Variants in SP4 observed in about 807,000 individuals in gnomAD.
SP4 encodes Sp4 transcription factor.
In SP4, 19 loss-of-function variants were observed where a neutral mutation model predicts 72.8. The ratio of observed to expected loss-of-function variants is 0.26; its 90% confidence interval spans 0.18 to 0.38. The LOEUF is 0.38. Among genes scored for constraint, SP4 ranks in the 10% least tolerant of loss-of-function variants. The pLI is 1.00. For missense variants in SP4, 1,008 were observed against 926.3 expected (o/e 1.09, Z -1.14); for synonymous variants, 395 against 333.1 (o/e 1.19, Z -2.02).
intron 5 of SP4, among the ~76,000 whole-genome samples, chr7:21,491,175 A>G (rs78561609): frequency 0.034 from 5,221 of 152,344 alleles, 288 homozygotes; most frequent in African/African-American, 0.12. Flanking sequence ...GACTGAAATC[A>G]ATGGAAAGGC....
chr7:21,514,045 ACTTTT>A lies in SP4; in HGVS notation c.*2781_*2785del, dbSNP rs1782209483. The A allele has an allele frequency of 6.6e-6, 1 of 152,538 alleles. No individual in the cohort carries two copies. The highest frequency in any genetic ancestry group is 2.4e-5 in the African/African-American group (1 of 41,422). The allele number at this position is 152,538 out of a possible 1,614,324, so 9.4% of individuals were successfully genotyped here. A position where few individuals can be genotyped will look rare whatever the true frequency, so the allele number is the denominator to read the frequency against. ...TCATTCCCTTTACCACCGTTATAAA[ACTTTT>A]CTTTATTGTAATTATCAGTGCAAAG... On this transcript the variant is annotated 3_prime_UTR_variant, in exon 6 of 6. Transcript: ENST00000222584.
intron 3 of SP4, among the ~76,000 whole-genome samples, chr7:21,456,405 A>G (rs1185488289): frequency 3.9e-5 from 6 of 152,214 alleles, no homozygotes; most frequent in Non-Finnish European, 7.3e-5. Context: ...TGTCTCAGCA[A>G]TGTGCCAACA....
At chr7:21,501,239 A>T (rs1200871760) in intron 5 of SP4, among the ~76,000 whole-genome samples, 1 of 152,092 alleles carries the variant, frequency 6.6e-6, no homozygotes, top group East Asian at 1.9e-4. Context: ...GTGACCTTCT[A>T]GGTGCGTGAG....
Position 21,513,881 on chromosome 7 carries a change from A to G in SP4, c.*2612A>G, listed in dbSNP as rs1427191982. 1.3e-5 allele frequency: 2 copies of G among 152,306 alleles called. No individual in the cohort carries two copies. Among genetic ancestry groups the G allele is most frequent in the African/African-American group, 4.8e-5 (2 of 41,450 alleles). The allele number at this position is 152,306 out of a possible 1,614,324, so 9.4% of individuals were successfully genotyped here. On this transcript the variant is annotated 3_prime_UTR_variant, in exon 6 of 6. Coordinates refer to ENST00000222584, the MANE Select transcript of SP4 (RefSeq NM_003112.5). Reference sequence around the variant, plus strand: ...GAAATATTTTGACAGTCTGTTCTGCATACCATTCTGAGTCTACTTTTCTGT... The same window carrying G: ...GAAATATTTTGACAGTCTGTTCTGCGTACCATTCTGAGTCTACTTTTCTGT...
chr7:21,494,106 C>T (rs1314992139), intron 5 of SP4, among the ~76,000 whole-genome samples: 1 of 152,130 alleles, frequency 6.6e-6, no homozygotes, highest in Non-Finnish European at 1.5e-5. Context: ...TGTAAAAATT[C>T]TCAGCAAACT....
intron 3 of SP4, among the ~76,000 whole-genome samples, chr7:21,441,680 G>A (rs940480032): frequency 6.6e-6 from 1 of 152,162 alleles, no homozygotes; most frequent in African/African-American, 2.4e-5. Context: ...ATTTAGTTAT[G>A]AATTCACAGT....
chr7:21,429,437 A>T lies in SP4; in HGVS notation c.272A>T (p.Glu91Val). The T allele has an allele frequency of 6.2e-7, 1 of 1,614,192 alleles. No individual in the cohort carries two copies. Among genetic ancestry groups the T allele is most frequent in the Non-Finnish European group, 8.5e-7 (1 of 1,180,026 alleles). ...CTTCAAAATCAACCACAACAGCTAG[A>T]ACTGGTAACAACGCAACTTGCTGGA... Reference protein sequence around the residue: ...VQLQNQPQQLELVTTQLAGNA... With the variant: ...VQLQNQPQQLVLVTTQLAGNA... The change falls in exon 3 of 6, where the codon GAA becomes GTA. Residue 91 changes from glutamate (E) to valine (V), a missense_variant. By Grantham distance (121) the Glu-to-Val change is moderately radical. This residue lies in a region of SP4 where 893 missense variants were observed against 743.3 expected (regional missense o/e 1.20). Coordinates refer to ENST00000222584, the MANE Select transcript of SP4 (RefSeq NM_003112.5).
At position 21,430,819 on chromosome 7, in the gene SP4, C is replaced by G. The variant is rs1782821759; in HGVS notation, c.1654C>G (p.Pro552Ala). 1.9e-6 allele frequency: 3 copies of G among 1,612,300 alleles called. No homozygotes were observed. Among genetic ancestry groups the G allele is most frequent in the Admixed American group, 1.7e-5 (1 of 59,988 alleles). Residue 552 changes from proline to alanine, a missense_variant, in exon 3 of 6, where the codon CCC becomes GCC. By Grantham distance (27) the Pro-to-Ala change is conservative. Transcript: ENST00000222584. ...GAAGVQVQGV[P>A]VTITSVAGQQ... is the part of the protein sequence containing the mutation. ...TGCAGGTGTTCAAGTGCAGGGAGTT[C>G]CCGTTACAATCACTAGTGTTGCAGG...
intron 1 of SP4, 141 bp downstream of exon 1, chr7:21,428,399 G>A: frequency 2.9e-6 from 2 of 688,736 alleles, no homozygotes; most frequent in Admixed American, 4.2e-5. Context: ...GGGAATCGGG[G>A]AGGGAAGGAG....
chr7:21,450,923 A>T (rs996239942), intron 3 of SP4, among the ~76,000 whole-genome samples: 4 of 152,172 alleles, frequency 2.6e-5, no homozygotes, highest in African/African-American at 9.7e-5. Flanking sequence ...GAATGAAAGG[A>T]AGTAAAGTAC....
chr7:21,474,916 G>C (rs914479310), intron 3 of SP4, among the ~76,000 whole-genome samples: 4 of 152,174 alleles, frequency 2.6e-5, no homozygotes, highest in African/African-American at 9.7e-5. Flanking sequence ...CTACCAGAAG[G>C]ATTAACGGTG....
rs1001531965 is a variant in SP4 at position 21,459,052 on chromosome 7, A to T, written c.1679-18027A>T. Among the ~76,000 whole-genome samples the T allele has an allele frequency of 7.2e-5, 11 of 152,174 alleles. 1 individual carries two copies. The highest frequency in any genetic ancestry group is 2.7e-4 in the African/African-American group (11 of 41,432). On this transcript the variant is annotated intron_variant, in intron 3 of 5. Transcript: ENST00000222584. ...TCTTAGCACTGAGCATTAGTTCTGT[A>T]TTTCCAGAGCTAGACTGATTTAAAC...
At chr7:21,447,009 C>T (rs1464842719) in intron 3 of SP4, among the ~76,000 whole-genome samples, 2 of 152,150 alleles carry the variant, frequency 1.3e-5, no homozygotes, top group Admixed American at 1.3e-4. Context: ...TTGTGACTAG[C>T]CACATGTCCA....
intron 4 of SP4, among the ~76,000 whole-genome samples, chr7:21,480,457 T>C (rs1784652905): frequency 6.6e-6 from 1 of 152,202 alleles, no homozygotes; most frequent in African/African-American, 2.4e-5. Flanking sequence ...TTTAGTATTT[T>C]GGTCCGTATT....
At chr7:21,450,250 A>G (rs1051923348) in intron 3 of SP4, among the ~76,000 whole-genome samples, 1 of 152,212 alleles carries the variant, frequency 6.6e-6, no homozygotes, top group Non-Finnish European at 1.5e-5. Context: ...AAATAGTCAT[A>G]TTGTGAACAG....
At chr7:21,503,123 C>G (rs1781910712) in intron 5 of SP4, among the ~76,000 whole-genome samples, 1 of 152,124 alleles carries the variant, frequency 6.6e-6, no homozygotes, top group African/African-American at 2.4e-5. Context: ...CTTTCCAAGT[C>G]TTAATCAGCA....
chr7:21,509,328 CCTTTAA>C (rs1417564398), intron 5 of SP4, among the ~76,000 whole-genome samples: 13 of 151,806 alleles, frequency 8.6e-5, no homozygotes, highest in African/African-American at 2.9e-4. Context: ...TTTTTTCTCT[CCTTTAA>C]CTTTATGGAA....
intron 3 of SP4, among the ~76,000 whole-genome samples, chr7:21,464,391 C>T (rs6947703): frequency 1.7e-3 from 260 of 152,142 alleles, no homozygotes; most frequent in African/African-American, 5.8e-3. Context: ...CCACTGCGCC[C>T]GGCCAGTCAG....
chr7:21,428,142 C>T lies in SP4; in HGVS notation c.-110C>T, dbSNP rs1323538608. The T allele has an allele frequency of 1.6e-5, 12 of 729,112 alleles. No individual in the cohort carries two copies. Among genetic ancestry groups the T allele is most frequent in the Non-Finnish European group, 2.8e-5 (11 of 396,318 alleles). 45.2% of individuals were successfully genotyped at this position (729,112 alleles called of 1,614,324 possible). ...CAGAGCCTGTGCCAGCTACAGCCTC[C>T]TCCGAGCCACCGCGGGCGGGCGGGA... On this transcript the variant is annotated 5_prime_UTR_variant, in exon 1 of 6. Coordinates refer to ENST00000222584, the MANE Select transcript of SP4 (RefSeq NM_003112.5).
Sources: gnomAD v4.1 joint callset for allele counts (sites outside exome capture counted in the v4.1 genomes callset) on GRCh38, gnomAD v4.1.1 for gene constraint, gnomAD v4.1.1 regional missense constraint, MANE v1.5 for transcripts, NCBI Gene and HGNC (gene_info 2026-07-23, HGNC 2026-07-21) for gene names.